The following SHISA5 variants were observed in gnomAD, a reference collection of about 807,000 sequenced individuals.
SHISA5 encodes protein shisa-5.
Under a neutral mutation model 27.5 loss-of-function variants are expected in SHISA5, and 21 were observed. The ratio of observed to expected loss-of-function variants is 0.76; its 90% CI spans 0.54 to 1.10. SHISA5 has a LOEUF of 1.10. SHISA5 is among the 50% of genes least tolerant of loss of function. The pLI is 0.00. For synonymous variants in SHISA5, 137 were observed against 142.2 expected, an observed-to-expected ratio of 0.96 and a Z score of 0.26; for missense variants, 314 against 336.3, an observed-to-expected ratio of 0.93 and a Z score of 0.52.
Position 48,469,513 on chromosome 3 carries a change from C to A in SHISA5, c.491G>T (p.Ser164Ile). The change falls in exon 5 of 6, where the codon AGT (serine) becomes ATT (isoleucine). Residue 164 changes from serine (S) to isoleucine (I), a missense_variant. Physicochemically the swap from Ser to Ile is moderately radical, Grantham distance 142 (BLOSUM62 -2). Transcript: ENST00000296444. The surrounding 1 kb of genome is among the most constrained non-coding windows in gnomAD (Gnocchi z 4.6). ...TGGTCCAGGGTAGCTGGGCGGCACA[C>A]TTGGAGGCTGAGGATAAGGGGCATG... ...VVHAPYPQPPSVPPSYPGPSY... is the reference protein window; with the variant it reads ...VVHAPYPQPPIVPPSYPGPSY... 6.2e-7 allele frequency: 1 copy of A among 1,613,764 alleles called. No homozygotes were observed. The highest frequency in any genetic ancestry group is 1.1e-5 in the South Asian group (1 of 91,038).
chr3:48,502,689 C>G (rs1250954505), intron 1 of SHISA5: 1 of 327,280 alleles, frequency 3.1e-6, no homozygotes, highest in East Asian at 7.9e-5. Flanking sequence ...AGGAACAGTA[C>G]CGGATTCTGC....
At chr3:48,490,973 C>A (rs961811016) in intron 2 of SHISA5, among the ~76,000 whole-genome samples, 1 of 152,164 alleles carries the variant, frequency 6.6e-6, no homozygotes, top group Non-Finnish European at 1.5e-5. Context: ...TCTGAACATT[C>A]CTTTTCTATC....
At position 48,501,575 on chromosome 3, in the gene SHISA5, G is replaced by A. The variant is rs530678877; in HGVS notation, c.77-282C>T. On this transcript the variant is annotated intron_variant, in intron 1 of 5. Coordinates refer to ENST00000296444, the MANE Select transcript of SHISA5 (RefSeq NM_016479.6). Reference sequence around the variant, plus strand: ...GGGTGAACTTTCTCAATGTGAGTCTGATGGGGCCACACCCTGCTCTCAAAC... The same window carrying A: ...GGGTGAACTTTCTCAATGTGAGTCTAATGGGGCCACACCCTGCTCTCAAAC... Among the ~76,000 whole-genome samples, 3 of 152,236 alleles carry A rather than the reference G, an allele frequency of 2.0e-5. No individual in the cohort carries two copies. The East Asian group carries it at 5.8e-4, about 29-fold the overall frequency.
At chr3:48,483,443 T>C (rs958436771) in intron 2 of SHISA5, among the ~76,000 whole-genome samples, 1 of 152,112 alleles carries the variant, frequency 6.6e-6, no homozygotes, top group Non-Finnish European at 1.5e-5. Context: ...GGCAGAAGAA[T>C]TTTTCTCAGT....
In SHISA5 at chr3:48,473,411, A is replaced by AC. The variant is rs1382160450; in HGVS notation, c.315-3569dup. The AC allele has an allele frequency of 7.6e-7, 1 of 1,311,914 alleles. No individual in the cohort carries two copies. Among genetic ancestry groups the AC allele is most frequent in the Non-Finnish European group, 1.0e-6 (1 of 1,004,190 alleles). 81.3% of individuals were successfully genotyped at this position (1,311,914 alleles called of 1,614,324 possible). A position where few individuals can be genotyped will look rare whatever the true frequency, so the allele number is the denominator to read the frequency against. On this transcript the variant is annotated intron_variant, in intron 3 of 5. Coordinates refer to ENST00000296444, the MANE Select transcript of SHISA5 (RefSeq NM_016479.6). The surrounding 1 kb of genome is among the most constrained non-coding windows in gnomAD (Gnocchi z 4.3). ...CACACTCTAGCTCAGCAGCACCCCCACCCCCACTTCCACCTAACCCACCGG... is the reference window on the plus strand; with the variant it reads ...CACACTCTAGCTCAGCAGCACCCCCACCCCCCACTTCCACCTAACCCACCGG...
intron 2 of SHISA5, among the ~76,000 whole-genome samples, chr3:48,500,233 T>C (rs1477086167): frequency 6.6e-6 from 1 of 152,160 alleles, no homozygotes; most frequent in Non-Finnish European, 1.5e-5. Flanking sequence ...TTGCAAGAAC[T>C]CAAATAATGA....
At chr3:48,504,475 C>T (rs1167868432), upstream of SHISA5, 3 of 184,518 alleles carry the variant, frequency 1.6e-5, no homozygotes, top group African/African-American at 7.0e-5. This position sits in a 1 kb window ranked among gnomAD's most constrained non-coding sequence, Gnocchi z 4.0. Context: ...GGAGGGCGTC[C>T]CCGGGAATAT....
chr3:48,482,188 G>A (rs1313066940), intron 2 of SHISA5, among the ~76,000 whole-genome samples: 1 of 151,062 alleles, frequency 6.6e-6, no homozygotes, highest in Non-Finnish European at 1.5e-5. Flanking sequence ...TAGCCATAGA[G>A]AATAATAGAG....
intron 3 of SHISA5, chr3:48,472,938 C>T (rs2040690869): frequency 5.0e-6 from 7 of 1,412,520 alleles, no homozygotes; most frequent in South Asian, 2.5e-5. Context: ...ACCGCAAGGC[C>T]GTTATCATCC....
rs1255710028 is a variant in SHISA5 at position 48,468,464 on chromosome 3, C to T, written c.*643G>A. The T allele has an allele frequency of 1.7e-6, 2 of 1,174,560 alleles. No individual in the cohort carries two copies. The highest frequency in any genetic ancestry group is 1.7e-5 in the South Asian group (1 of 58,978). 72.8% of individuals were successfully genotyped at this position (1,174,560 alleles called of 1,614,324 possible). A position where few individuals can be genotyped will look rare whatever the true frequency, so the allele number is the denominator to read the frequency against. ...GGCAGACAGGTACAGCTGAGTAGGGCTCTGCCTGAGGTGTTCTGGCATCAG... is the reference window on the plus strand; with the variant it reads ...GGCAGACAGGTACAGCTGAGTAGGGTTCTGCCTGAGGTGTTCTGGCATCAG... On this transcript the variant is annotated 3_prime_UTR_variant, in exon 6 of 6. Transcript: ENST00000296444.
At chr3:48,503,065 T>C (rs771224147) in intron 1 of SHISA5, 36 of 1,276,978 alleles carry the variant, frequency 2.8e-5, no homozygotes, top group Non-Finnish European at 3.3e-5. Flanking sequence ...GATTGGACCA[T>C]TGACAAGCCC....
intron 2 of SHISA5, among the ~76,000 whole-genome samples, chr3:48,481,594 G>A (rs1166828150): frequency 1.3e-5 from 2 of 150,146 alleles, no homozygotes; most frequent in African/African-American, 4.9e-5. Flanking sequence ...TTCGAGACCA[G>A]CCTGGCCAAC....
chr3:48,489,621 C>A (rs1299206906), intron 2 of SHISA5, among the ~76,000 whole-genome samples: 6 of 80,878 alleles, frequency 7.4e-5, no homozygotes, highest in African/African-American at 2.9e-4. Flanking sequence ...TGCGCCTGGC[C>A]TTTTTTTTTT....
chr3:48,478,668 C>T (rs1463019488), intron 3 of SHISA5, among the ~76,000 whole-genome samples: 3 of 152,120 alleles, frequency 2.0e-5, no homozygotes, highest in Non-Finnish European at 4.4e-5. Flanking sequence ...GTAACCATGA[C>T]CCACAAAGCT....
At chr3:48,474,229 A>G (rs2040741823) in intron 3 of SHISA5, among the ~76,000 whole-genome samples, 1 of 151,544 alleles carries the variant, frequency 6.6e-6, no homozygotes, top group Non-Finnish European at 1.5e-5. Flanking sequence ...CTGGAACCAC[A>G]GGCATGCACC....
intron 2 of SHISA5, among the ~76,000 whole-genome samples, chr3:48,486,279 C>T (rs1177184165): frequency 2.9e-3 from 1 of 350 alleles, no homozygotes; most frequent in African/African-American, 0.01. Flanking sequence ...TGTTATATAA[C>T]ATATAATGTA....
At chr3:48,501,522 T>C (rs1014462244) in intron 1 of SHISA5, among the ~76,000 whole-genome samples, 3 of 152,156 alleles carry the variant, frequency 2.0e-5, no homozygotes, top group Non-Finnish European at 4.4e-5. Flanking sequence ...CCTCTCTCCC[T>C]CACCAGTGCA....
chr3:48,486,920 CAAAA>C (rs747460201), intron 2 of SHISA5, among the ~76,000 whole-genome samples: 1 of 94,776 alleles, frequency 1.1e-5, no homozygotes. Flanking sequence ...GACTCCATCT[CAAAA>C]AAAAAAAAAA....
At chr3:48,476,484 G>A (rs546643174) in intron 3 of SHISA5, among the ~76,000 whole-genome samples, 1 of 152,312 alleles carries the variant, frequency 6.6e-6, no homozygotes, top group East Asian at 1.9e-4. Context: ...CCCCTGCCTG[G>A]CTTCTCCTGA....
Sources: gnomAD v4.1 joint callset for allele counts (sites outside exome capture counted in the v4.1 genomes callset) on GRCh38, gnomAD v4.1.1 for gene constraint, Gnocchi (gnomAD v3.1) non-coding constraint, MANE v1.5 for transcripts, NCBI Gene and HGNC (gene_info 2026-07-23, HGNC 2026-07-21) for gene names.